The following SGCZ variants were observed in gnomAD, a reference collection of about 807,000 sequenced individuals.
SGCZ encodes sarcoglycan zeta.
SGCZ carries 40 observed loss-of-function variants against 41.3 expected under a neutral mutation model. The observed-to-expected ratio is 0.97, with a 90% CI of 0.75 to 1.26. The LOEUF (loss-of-function observed/expected upper bound fraction) is 1.26. Ranked by LOEUF, SGCZ falls within the 50% of genes most tolerant of loss-of-function variation. The probability of loss-of-function intolerance (pLI) is 0.00; values close to 1 mark genes in which losing one functional copy is unlikely to be tolerated. For synonymous variants in SGCZ, 206 were observed against 137.5 expected (o/e 1.50, Z -3.49); for missense variants, 552 against 369.8 (o/e 1.49, Z -4.04).
chr8:15,076,395 A>C (rs989309096), intron 1 of SGCZ, among the ~76,000 whole-genome samples: 1 of 152,150 alleles, frequency 6.6e-6, no homozygotes, highest in Non-Finnish European at 1.5e-5. Flanking sequence ...AAAGGAGAGA[A>C]AACTGTGATT....
intron 2 of SGCZ, among the ~76,000 whole-genome samples, chr8:14,348,529 G>A (rs1034513794): frequency 6.6e-6 from 1 of 152,024 alleles, no homozygotes; most frequent in Non-Finnish European, 1.5e-5. Context: ...AAATGGTTTT[G>A]AATATAAATT....
intron 1 of SGCZ, among the ~76,000 whole-genome samples, chr8:14,770,928 A>G (rs183918448): frequency 9.1e-4 from 138 of 152,304 alleles, no homozygotes; most frequent in African/African-American, 3.2e-3. Context: ...AAGCCTTGAA[A>G]AATAAATAGA....
At chr8:14,663,515 T>C (rs1290598029) in intron 1 of SGCZ, among the ~76,000 whole-genome samples, 1 of 152,168 alleles carries the variant, frequency 6.6e-6, no homozygotes, top group African/African-American at 2.4e-5. Context: ...GTCTAACCTC[T>C]CTGTGCATGC....
At chr8:14,315,475 T>C (rs1235474641) in intron 3 of SGCZ, among the ~76,000 whole-genome samples, 1 of 152,060 alleles carries the variant, frequency 6.6e-6, no homozygotes, top group Non-Finnish European at 1.5e-5. Context: ...GTGTGTGTGA[T>C]GCAAGGGGAT....
chr8:14,679,849 T>C (rs1159959754), intron 1 of SGCZ, among the ~76,000 whole-genome samples: 2 of 152,036 alleles, frequency 1.3e-5, no homozygotes, highest in East Asian at 3.9e-4. Context: ...GATGTTTTCT[T>C]TGATACCCAT....
intron 1 of SGCZ, among the ~76,000 whole-genome samples, chr8:15,171,662 G>A (rs1343596784): frequency 2.0e-5 from 3 of 152,186 alleles, no homozygotes; most frequent in South Asian, 2.1e-4. Flanking sequence ...GATAATTTTT[G>A]CCTCTTAATC....
chr8:15,034,270 T>C (rs1456107371), intron 1 of SGCZ, among the ~76,000 whole-genome samples: 3 of 152,016 alleles, frequency 2.0e-5, no homozygotes, highest in African/African-American at 7.2e-5. Flanking sequence ...GAGATATAAA[T>C]TTTAAAAAAT....
chr8:14,231,542 G>C (rs773738849), intron 4 of SGCZ, among the ~76,000 whole-genome samples: 11 of 150,430 alleles, frequency 7.3e-5, no homozygotes, highest in African/African-American at 2.5e-4. Flanking sequence ...ACCATGTCTT[G>C]CAGTTAAGTC....
At chr8:15,147,466 C>T (rs376855335) in intron 1 of SGCZ, among the ~76,000 whole-genome samples, 422 of 152,146 alleles carry the variant, frequency 2.8e-3, no homozygotes, top group African/African-American at 9.0e-3. Context: ...TTAGTGGAGA[C>T]GGGGATTCTC....
intron 1 of SGCZ, among the ~76,000 whole-genome samples, chr8:15,033,058 C>T (rs950184487): frequency 6.6e-6 from 1 of 152,108 alleles, no homozygotes; most frequent in African/African-American, 2.4e-5. Context: ...GCCATGCCAG[C>T]CCTACCTACT....
At chr8:14,093,900 A>G (rs1190881982) in intron 7 of SGCZ, among the ~76,000 whole-genome samples, 6 of 152,034 alleles carry the variant, frequency 3.9e-5, no homozygotes, top group Non-Finnish European at 8.8e-5. Flanking sequence ...ATTTGTATTC[A>G]TTCATTGTTT....
At chr8:14,165,698 C>G (rs903240127) in intron 4 of SGCZ, among the ~76,000 whole-genome samples, 7 of 152,144 alleles carry the variant, frequency 4.6e-5, no homozygotes, top group African/African-American at 7.2e-5. Context: ...AAGTAGGAAT[C>G]ACACATGTGG....
intron 1 of SGCZ, among the ~76,000 whole-genome samples, chr8:14,656,418 T>TC (rs1399695519): frequency 4.5e-4 from 30 of 66,032 alleles, no homozygotes; most frequent in African/African-American, 7.6e-4. Flanking sequence ...TCTCCTCTCC[T>TC]TCCTTCCTTC....
chr8:15,197,561 A>G (rs572095290), intron 1 of SGCZ, among the ~76,000 whole-genome samples: 1 of 152,320 alleles, frequency 6.6e-6, no homozygotes, highest in African/African-American at 2.4e-5. Flanking sequence ...TTGGAAGAAC[A>G]TTAGCTCACA....
intron 5 of SGCZ, among the ~76,000 whole-genome samples, chr8:14,108,727 A>G (rs1225756712): frequency 1.2e-4 from 19 of 152,188 alleles, no homozygotes; most frequent in Admixed American, 1.2e-3. Flanking sequence ...ATGAATGAGA[A>G]GAATTGGAAG....
intron 1 of SGCZ, among the ~76,000 whole-genome samples, chr8:15,041,519 T>C (rs1207042131): frequency 6.6e-6 from 1 of 152,114 alleles, no homozygotes; most frequent in Non-Finnish European, 1.5e-5. Flanking sequence ...ATATGCAATT[T>C]CTTTATATGG....
intron 4 of SGCZ, among the ~76,000 whole-genome samples, chr8:14,230,699 C>T (rs1806531573): frequency 6.6e-6 from 1 of 150,548 alleles, no homozygotes; most frequent in African/African-American, 2.4e-5. Flanking sequence ...TATATTCCTA[C>T]ATGTTTTAAT....
At chr8:14,326,786 T>G (rs537470894) in intron 2 of SGCZ, among the ~76,000 whole-genome samples, 1 of 152,282 alleles carries the variant, frequency 6.6e-6, no homozygotes, top group African/African-American at 2.4e-5. Context: ...TATAGTATCC[T>G]CTTACATTTT....
At chr8:14,621,617 A>T (rs906839073) in intron 1 of SGCZ, among the ~76,000 whole-genome samples, 1 of 152,110 alleles carries the variant, frequency 6.6e-6, no homozygotes, top group Non-Finnish European at 1.5e-5. Flanking sequence ...GCAGAAGGTG[A>T]AGGGGAGGCT....
Sources: gnomAD v4.1 joint callset for allele counts (sites outside exome capture counted in the v4.1 genomes callset) on GRCh38, gnomAD v4.1.1 for gene constraint, MANE v1.5 for transcripts, NCBI Gene and HGNC (gene_info 2026-07-23, HGNC 2026-07-21) for gene names.